Variants in B4GALT1 observed in about 807,000 individuals in gnomAD.
The protein encoded by B4GALT1 is beta-1,4-galactosyltransferase 1, also known as N-acetyllactosamine synthase.
A neutral mutation model predicts 34.9 loss-of-function variants in B4GALT1; 16 were observed. The ratio of observed to expected loss-of-function variants is 0.46; its 90% CI spans 0.31 to 0.70. B4GALT1 has a LOEUF of 0.70. Among genes scored for constraint, B4GALT1 ranks in the 30% least tolerant of loss-of-function variants. The pLI, the probability that B4GALT1 is intolerant of heterozygous loss-of-function variation, is 0.05. For missense variants in B4GALT1, 445 were observed against 530.5 expected (o/e 0.84, Z 1.58); for synonymous variants, 221 against 218.1 (o/e 1.01, Z -0.12).
At chr9:33,122,584 A>G (rs1037057448) in intron 2 of B4GALT1, among the ~76,000 whole-genome samples, 4 of 152,184 alleles carry the variant, frequency 2.6e-5, no homozygotes, top group Admixed American at 2.0e-4. Context: ...GTGCGTACAG[A>G]ATGCACAGAT....
rs1840772051 is a variant in B4GALT1, at chr9:33,167,063, A to C, written c.107T>G (p.Val36Gly). 2 of 1,602,816 alleles carry C rather than the reference A, an allele frequency of 1.2e-6. No homozygotes were observed. Among genetic ancestry groups the C allele is most frequent in the Non-Finnish European group, 1.7e-6 (2 of 1,179,030 alleles). The change falls in exon 1 of 6, where the codon GTC becomes GGC. Residue 36 changes from valine (V) to glycine (G), a missense_variant. Physicochemically the swap from Val to Gly is moderately radical, Grantham distance 109. Around this residue, in one of 3 missense-constraint regions of B4GALT1, gnomAD observed 349 missense variants for 395.5 expected, o/e 0.88. Coordinates refer to ENST00000379731, the MANE Select transcript of B4GALT1 (RefSeq NM_001497.4). ...GCCAGCCAGGTAGTAAACGAGGGTGACGCCAAGGTGCAGAGCGCAGACGGC... is the reference window on the plus strand; with the variant it reads ...GCCAGCCAGGTAGTAAACGAGGGTGCCGCCAAGGTGCAGAGCGCAGACGGC... ...LVAVCALHLG[V>G]TLVYYLAGRD...
upstream of B4GALT1, among the ~76,000 whole-genome samples, chr9:33,172,241 G>A (rs542341172): frequency 6.6e-6 from 1 of 152,280 alleles, no homozygotes; most frequent in East Asian, 1.9e-4. Flanking sequence ...TGGCTTTAAG[G>A]TAGTGTTTTT....
intron 1 of B4GALT1, among the ~76,000 whole-genome samples, chr9:33,163,424 A>G (rs1840703569): frequency 6.6e-6 from 1 of 152,194 alleles, no homozygotes; most frequent in African/African-American, 2.4e-5. Context: ...CTCAAAGCAT[A>G]GGTGGGCAAG....
intron 2 of B4GALT1, among the ~76,000 whole-genome samples, chr9:33,128,202 A>C (rs889684646): frequency 2.0e-5 from 3 of 152,214 alleles, no homozygotes; most frequent in Non-Finnish European, 2.9e-5. Context: ...GCTTTGCTAC[A>C]AACAGGATTA....
At chr9:33,104,932 G>A (rs912831183) in intron 2 of B4GALT1, among the ~76,000 whole-genome samples, 6 of 150,412 alleles carry the variant, frequency 4.0e-5, no homozygotes, top group Admixed American at 1.3e-4. Flanking sequence ...CAATTCTCCT[G>A]CCTCAGCCTC....
At chr9:33,174,623 T>C in the B4GALT1 span, among the ~76,000 whole-genome samples, 5 of 149,724 alleles carry the variant, frequency 3.3e-5, no homozygotes, top group Non-Finnish European at 5.9e-5. Context: ...CCCTCCAGCC[T>C]GGGTGACAGA....
chr9:33,127,306 A>T (rs1489863643), intron 2 of B4GALT1, among the ~76,000 whole-genome samples: 2 of 152,202 alleles, frequency 1.3e-5, no homozygotes, highest in Non-Finnish European at 2.9e-5. Flanking sequence ...CCAGCGCAGG[A>T]TGCCTGCCTC....
chr9:33,136,408 C>T (rs1275379617), intron 1 of B4GALT1, among the ~76,000 whole-genome samples: 1 of 152,142 alleles, frequency 6.6e-6, no homozygotes, highest in Admixed American at 6.5e-5. Flanking sequence ...TGCTGAGAGT[C>T]AAGAGCCAAG....
At chr9:33,152,562 A>C (rs1433764223) in intron 1 of B4GALT1, among the ~76,000 whole-genome samples, 2 of 151,894 alleles carry the variant, frequency 1.3e-5, no homozygotes, top group African/African-American at 4.8e-5. Context: ...AGGGTAAAAA[A>C]AAAAAAGGGT....
intron 1 of B4GALT1, among the ~76,000 whole-genome samples, chr9:33,140,948 C>T (rs1377331681): frequency 6.6e-6 from 1 of 152,234 alleles, no homozygotes; most frequent in Non-Finnish European, 1.5e-5. Flanking sequence ...CTGGGAAGAG[C>T]ACAAGCTCTC....
the B4GALT1 span, among the ~76,000 whole-genome samples, chr9:33,175,081 G>A: frequency 7.5e-6 from 1 of 133,594 alleles, no homozygotes; most frequent in Non-Finnish European, 1.6e-5. Flanking sequence ...GGAGGCCAAG[G>A]CAGGAAGGCT....
intron 2 of B4GALT1, among the ~76,000 whole-genome samples, chr9:33,128,125 G>C (rs891202060): frequency 2.0e-5 from 3 of 152,162 alleles, no homozygotes; most frequent in African/African-American, 7.2e-5. Context: ...CTAGGAGGCG[G>C]AAAGTACAGA....
At chr9:33,162,196 T>C (rs1051794189) in intron 1 of B4GALT1, among the ~76,000 whole-genome samples, 2 of 152,120 alleles carry the variant, frequency 1.3e-5, no homozygotes, top group Admixed American at 1.3e-4. Flanking sequence ...CTTCAGAAAT[T>C]AGAGGAAAAT....
chr9:33,134,245 C>T lies in B4GALT1; in HGVS notation c.648+944G>A, dbSNP rs543746400. On this transcript the variant is annotated intron_variant, in intron 2 of 5. Coordinates refer to ENST00000379731, the MANE Select transcript of B4GALT1 (RefSeq NM_001497.4). ...AGAGTTCCTTGACCTTGATGGAAGC[C>T]GTAAACTGCCAACAATCCTCCTACC... Among the ~76,000 whole-genome samples the T allele has an allele frequency of 7.2e-4, 110 of 152,242 alleles. No homozygotes were observed. In the South Asian group the frequency reaches 0.022, roughly 30 times the overall value.
intron 2 of B4GALT1, among the ~76,000 whole-genome samples, chr9:33,125,760 G>C (rs1010509586): frequency 6.6e-6 from 1 of 152,192 alleles, no homozygotes; most frequent in East Asian, 1.9e-4. Flanking sequence ...TGCAACAGGG[G>C]ACAGATGACC....
At chr9:33,164,259 C>T (rs1840716264) in intron 1 of B4GALT1, among the ~76,000 whole-genome samples, 1 of 152,168 alleles carries the variant, frequency 6.6e-6, no homozygotes, top group Admixed American at 6.5e-5. Flanking sequence ...ACCTCAAAAC[C>T]ACCCGCAAGG....
downstream of B4GALT1, among the ~76,000 whole-genome samples, chr9:33,109,388 A>C (rs1056071388): frequency 6.6e-6 from 1 of 152,198 alleles, no homozygotes; most frequent in East Asian, 1.9e-4. Flanking sequence ...CCTTTCTAAT[A>C]TCACTTATAA....
At chr9:33,134,890 T>C (rs1159885370) in intron 2 of B4GALT1, among the ~76,000 whole-genome samples, 2 of 152,214 alleles carry the variant, frequency 1.3e-5, no homozygotes, top group Non-Finnish European at 2.9e-5. Flanking sequence ...AGTGTGTACT[T>C]TGGAATAATT....
At chr9:33,151,744 C>T (rs1189082377) in intron 1 of B4GALT1, among the ~76,000 whole-genome samples, 3 of 152,224 alleles carry the variant, frequency 2.0e-5, no homozygotes, top group Non-Finnish European at 4.4e-5. Flanking sequence ...TAAATTTTCA[C>T]ATTTCTACTC....
Sources: gnomAD v4.1 joint callset for allele counts (sites outside exome capture counted in the v4.1 genomes callset) on GRCh38, gnomAD v4.1.1 for gene constraint, gnomAD v4.1.1 regional missense constraint, MANE v1.5 for transcripts, NCBI Gene and HGNC (gene_info 2026-07-23, HGNC 2026-07-21) for gene names.